The following ADAMTS17 variants were observed in gnomAD, a reference collection of about 807,000 sequenced individuals.
ADAMTS17 encodes the protein A disintegrin and metalloproteinase with thrombospondin motifs 17.
A neutral mutation model predicts 141.5 loss-of-function variants in ADAMTS17; 113 were observed. The observed-to-expected ratio is 0.80, with a 90% CI of 0.69 to 0.93. The LOEUF is 0.93. Among genes scored for constraint, ADAMTS17 ranks in the 40% least tolerant of loss-of-function variants. ADAMTS17 has a pLI of 0.00. For synonymous variants in ADAMTS17, 768 were observed against 630.6 expected (o/e 1.22, Z -3.27); for missense variants, 1,659 against 1,517.9 (o/e 1.09, Z -1.54).
chr15:99,973,746 C>T lies in ADAMTS17; in HGVS notation c.*656G>A, dbSNP rs971625056. ...CTTCCCATGCGGGTGGTATGAACTG[C>T]GTGGCACTGCTGTCCTCGCTGGCAT... On this transcript the variant is annotated 3_prime_UTR_variant, in exon 22 of 22. Coordinates refer to ENST00000268070, the MANE Select transcript of ADAMTS17 (RefSeq NM_139057.4). 3.1e-5 allele frequency: 5 copies of T among 162,574 alleles called. No individual in the cohort carries two copies. The highest frequency in any genetic ancestry group is 1.1e-4 in the Admixed American group (2 of 17,586). The allele number at this position is 162,574 out of a possible 1,614,324, so 10.1% of individuals were successfully genotyped here.
At chr15:100,298,922 G>A (rs963421680) in intron 3 of ADAMTS17, among the ~76,000 whole-genome samples, 9 of 152,256 alleles carry the variant, frequency 5.9e-5, no homozygotes, top group Middle Eastern at 6.8e-3. Context: ...AGTGGGGTTG[G>A]TTTCTTCAGA....
At chr15:100,119,476 T>C (rs536960874) in intron 12 of ADAMTS17, among the ~76,000 whole-genome samples, 1 of 152,350 alleles carries the variant, frequency 6.6e-6, no homozygotes, top group African/African-American at 2.4e-5. Flanking sequence ...AGACTCTGAT[T>C]GGTGAACATC....
At chr15:100,191,849 G>A (rs953707897) in intron 8 of ADAMTS17, among the ~76,000 whole-genome samples, 10 of 152,264 alleles carry the variant, frequency 6.6e-5, no homozygotes, top group South Asian at 2.1e-4. Context: ...CAGCTGCCCC[G>A]TGGGTCCTCC....
rs1317908280 is a variant in ADAMTS17, at chr15:99,971,920, CT to C, written c.*2481del. On this transcript the variant is annotated 3_prime_UTR_variant, in exon 22 of 22. Transcript: ENST00000268070. The stretch of plus-strand genomic sequence containing the variant: ...TATGATGGTTTCACTGAAATCACTG[CT>C]CGTGCCATGAACAGAAGGTAGGCTG... 1 of 152,216 alleles carries C rather than the reference CT, an allele frequency of 6.6e-6. No homozygotes were observed. The highest frequency in any genetic ancestry group is 1.5e-5 in the Non-Finnish European group (1 of 68,070). 9.4% of individuals were successfully genotyped at this position (152,216 alleles called of 1,614,324 possible).
intron 7 of ADAMTS17, among the ~76,000 whole-genome samples, chr15:100,202,260 A>C (rs1473202351): frequency 1.3e-5 from 2 of 152,258 alleles, no homozygotes; most frequent in Non-Finnish European, 2.9e-5. Context: ...ACAGTGAAGC[A>C]AGGAGCCTTC....
In ADAMTS17 at chr15:100,070,522, T is replaced by C. The variant is rs1188750102; in HGVS notation, c.2138-16468A>G. Reference sequence around the variant, plus strand: ...GTACTCCTCAGCAAATGTAAAACAATAGAAATTATAACAAACTGTCTCTCA... The same window carrying C: ...GTACTCCTCAGCAAATGTAAAACAACAGAAATTATAACAAACTGTCTCTCA... On this transcript the variant is annotated intron_variant, in intron 15 of 21. Coordinates refer to ENST00000268070, the MANE Select transcript of ADAMTS17 (RefSeq NM_139057.4). Among the ~76,000 whole-genome samples the C allele has an allele frequency of 9.3e-5, 14 of 149,822 alleles. 1 individual carries two copies. Among genetic ancestry groups the C allele is most frequent in the African/African-American group, 1.7e-4 (7 of 40,432 alleles).
chr15:100,007,268 T>C (rs1165910227), intron 18 of ADAMTS17, among the ~76,000 whole-genome samples: 1 of 152,126 alleles, frequency 6.6e-6, no homozygotes, highest in Non-Finnish European at 1.5e-5. Context: ...GTGGTGCAAC[T>C]GACAAGTCTG....
chr15:100,232,750 AC>A (rs1365305526), intron 7 of ADAMTS17, among the ~76,000 whole-genome samples: 1 of 151,948 alleles, frequency 6.6e-6, no homozygotes, highest in Non-Finnish European at 1.5e-5. Context: ...CATGCGGGAC[AC>A]CCTGCCCAGG....
chr15:100,261,427 G>A (rs1333985317), intron 6 of ADAMTS17, 52 bp downstream of exon 6: 2 of 1,611,284 alleles, frequency 1.2e-6, no homozygotes, highest in Non-Finnish European at 1.7e-6. Context: ...CTCTCTGAAG[G>A]GAAACATCTT....
intron 4 of ADAMTS17, among the ~76,000 whole-genome samples, chr15:100,273,487 A>G (rs896448452): frequency 2.6e-5 from 4 of 152,274 alleles, no homozygotes; most frequent in Middle Eastern, 3.4e-3. Flanking sequence ...TTAACATGCA[A>G]TGGTCCATAG....
chr15:100,215,430 T>TTA (rs2041940492), intron 7 of ADAMTS17, among the ~76,000 whole-genome samples: 1 of 152,202 alleles, frequency 6.6e-6, no homozygotes, highest in Non-Finnish European at 1.5e-5. Flanking sequence ...AGAAGGAACC[T>TTA]CACTGCTAGC....
At chr15:100,191,967 G>C (rs534749484) in intron 8 of ADAMTS17, among the ~76,000 whole-genome samples, 1 of 152,134 alleles carries the variant, frequency 6.6e-6, no homozygotes, top group African/African-American at 2.4e-5. Flanking sequence ...TGTGACTTAC[G>C]CATTGCATGC....
chr15:100,240,850 G>A (rs746940241), intron 7 of ADAMTS17, among the ~76,000 whole-genome samples: 2 of 152,124 alleles, frequency 1.3e-5, no homozygotes, highest in Non-Finnish European at 2.9e-5. Context: ...TTTTGAGACA[G>A]AGTCTCGCTC....
chr15:100,320,080 G>A (rs1178674668), intron 3 of ADAMTS17, among the ~76,000 whole-genome samples: 2 of 152,160 alleles, frequency 1.3e-5, no homozygotes, highest in Non-Finnish European at 2.9e-5. Context: ...TAAAAACTCA[G>A]TAGAAGATTA....
At chr15:100,339,934 G>A (rs1283756047) in intron 2 of ADAMTS17, among the ~76,000 whole-genome samples, 1 of 152,226 alleles carries the variant, frequency 6.6e-6, no homozygotes, top group African/African-American at 2.4e-5. Context: ...GATTCTCGAG[G>A]ACTCGCCACA....
intron 8 of ADAMTS17, among the ~76,000 whole-genome samples, chr15:100,191,159 A>C (rs78868102): frequency 0.014 from 2,197 of 152,314 alleles, 57 homozygotes; most frequent in African/African-American, 0.049. Flanking sequence ...GCCTCCTCAA[A>C]CACCACCTTG....
chr15:100,298,714 T>C (rs1596473523), intron 3 of ADAMTS17, among the ~76,000 whole-genome samples: 1 of 152,166 alleles, frequency 6.6e-6, no homozygotes, highest in African/African-American at 2.4e-5. Flanking sequence ...CAGGAGAAGC[T>C]GAGTCTAGTC....
At chr15:100,306,093 G>A in intron 3 of ADAMTS17, 1 of 181,608 alleles carries the variant, frequency 5.5e-6, no homozygotes, top group South Asian at 1.2e-4. Context: ...CTGAACTATG[G>A]AATATGCTCT....
chr15:99,980,423 CCA>C (rs2060461049), intron 20 of ADAMTS17: 1 of 152,272 alleles, frequency 6.6e-6, no homozygotes, highest in Admixed American at 6.5e-5. Flanking sequence ...GGGCCATTGG[CCA>C]CAGTGCCGCC....
Sources: allele counts gnomAD v4.1 joint callset (sites outside exome capture counted in the v4.1 genomes callset), GRCh38; gene constraint gnomAD v4.1.1; transcripts MANE v1.5; gene names NCBI Gene and HGNC (gene_info 2026-07-23, HGNC 2026-07-21).